SAMD5: variants seen among roughly 807,000 people sequenced by gnomAD.
SAMD5 encodes sterile alpha motif domain-containing protein 5.
Under a neutral mutation model 11.3 loss-of-function variants are expected in SAMD5, and 13 were observed. The ratio of observed to expected loss-of-function variants is 1.15; its 90% CI spans 0.75 to 1.83. The LOEUF is 1.83. SAMD5 is among the 40% of genes most tolerant of loss of function. The pLI is 0.00. For synonymous variants in SAMD5, 129 were observed against 111.3 expected, an observed-to-expected ratio of 1.16 and a Z score of -1.00; for missense variants, 255 against 239.1, an observed-to-expected ratio of 1.07 and a Z score of -0.44.
chr6:147,790,602 G>A, the SAMD5 span, among the ~76,000 whole-genome samples: 15 of 152,278 alleles, frequency 9.9e-5, no homozygotes, highest in South Asian at 2.7e-3. Flanking sequence ...CACTTTGGGT[G>A]TGTCTGTGAG....
the SAMD5 span, among the ~76,000 whole-genome samples, chr6:147,906,413 C>T: frequency 3.9e-5 from 6 of 152,326 alleles, no homozygotes; most frequent in African/African-American, 1.4e-4. Context: ...TCATGCCTTC[C>T]TTCTGGCTTT....
At chr6:147,811,576 G>A in the SAMD5 span, among the ~76,000 whole-genome samples, 1 of 152,116 alleles carries the variant, frequency 6.6e-6, no homozygotes, top group East Asian at 1.9e-4. Context: ...GCACAACAAG[G>A]AGGCAGTTGT....
chr6:147,889,336 A>T, the SAMD5 span, among the ~76,000 whole-genome samples: 1 of 152,240 alleles, frequency 6.6e-6, no homozygotes, highest in East Asian at 1.9e-4. Context: ...GGGTCTTTTT[A>T]ATATCCTCCC....
the SAMD5 span, among the ~76,000 whole-genome samples, chr6:147,813,786 G>C: frequency 6.6e-6 from 1 of 152,214 alleles, no homozygotes; most frequent in Admixed American, 6.5e-5. Context: ...AATGGCAGGA[G>C]TAACTCTTTG....
chr6:147,900,401 T>G, the SAMD5 span, among the ~76,000 whole-genome samples: 495 of 152,358 alleles, frequency 3.2e-3, 1 homozygote, highest in African/African-American at 0.012. Flanking sequence ...TTCTCCTATT[T>G]TGTCTTTCAT....
the SAMD5 span, among the ~76,000 whole-genome samples, chr6:147,939,287 T>C: frequency 6.6e-6 from 1 of 151,996 alleles, no homozygotes; most frequent in Non-Finnish European, 1.5e-5. Flanking sequence ...GGAGGTTTTG[T>C]TATGTAGGAA....
intron 1 of SAMD5, among the ~76,000 whole-genome samples, chr6:147,577,264 A>G (rs74345710): frequency 0.022 from 3,402 of 152,332 alleles, 111 homozygotes; most frequent in African/African-American, 0.073. Context: ...TTATCTTTAT[A>G]AAACTTCCAT....
At chr6:147,739,923 A>G (rs1791855658), downstream of SAMD5, among the ~76,000 whole-genome samples, 1 of 152,066 alleles carries the variant, frequency 6.6e-6, no homozygotes, top group Admixed American at 6.6e-5. Flanking sequence ...GGGTTCAAGC[A>G]ATTCTCCTGT....
downstream of SAMD5, among the ~76,000 whole-genome samples, chr6:147,570,470 C>T (rs539020698): frequency 2.6e-5 from 4 of 152,148 alleles, no homozygotes; most frequent in Non-Finnish European, 4.4e-5. Context: ...TCATTAGACG[C>T]AGAGTGCTGG....
intron 1 of SAMD5, among the ~76,000 whole-genome samples, chr6:147,599,164 C>T (rs1789579730): frequency 6.6e-6 from 1 of 152,134 alleles, no homozygotes; most frequent in Non-Finnish European, 1.5e-5. Flanking sequence ...CTTCTGTGAC[C>T]TTGATGGAGT....
chr6:147,616,814 T>C (rs1042040929), intron 1 of SAMD5, among the ~76,000 whole-genome samples: 1 of 152,172 alleles, frequency 6.6e-6, no homozygotes, highest in African/African-American at 2.4e-5. Flanking sequence ...AAAGGGGAAG[T>C]GTCACACTTT....
At chr6:147,516,454 A>T (rs1001848829) in intron 1 of SAMD5, among the ~76,000 whole-genome samples, 1 of 152,208 alleles carries the variant, frequency 6.6e-6, no homozygotes, top group Non-Finnish European at 1.5e-5. Context: ...AAATATGGGC[A>T]AAACTAGTGA....
At chr6:147,684,723 ACAGG>A (rs1381715559) in intron 1 of SAMD5, among the ~76,000 whole-genome samples, 1 of 152,168 alleles carries the variant, frequency 6.6e-6, no homozygotes, top group Non-Finnish European at 1.5e-5. Flanking sequence ...TTTTTCCTAT[ACAGG>A]CAGTCTTCAC....
intron 1 of SAMD5, among the ~76,000 whole-genome samples, chr6:147,710,265 G>A (rs1387483113): frequency 1.3e-5 from 2 of 152,088 alleles, no homozygotes; most frequent in Admixed American, 6.5e-5. Flanking sequence ...TACCCACCCC[G>A]TATGTATTAC....
chr6:147,515,530 A>T (rs924945776), intron 1 of SAMD5, among the ~76,000 whole-genome samples: 1 of 151,684 alleles, frequency 6.6e-6, no homozygotes, highest in Non-Finnish European at 1.5e-5. Context: ...CTACCCATTC[A>T]TCCATCCATC....
At chr6:147,751,768 C>A in the SAMD5 span, among the ~76,000 whole-genome samples, 3 of 152,176 alleles carry the variant, frequency 2.0e-5, no homozygotes, top group Non-Finnish European at 2.9e-5. Context: ...CGCTAACTCT[C>A]TTCTTCTTAG....
chr6:147,566,928 T>A lies in SAMD5; in HGVS notation c.*2472T>A. 1 of 891,086 alleles carries A rather than the reference T, an allele frequency of 1.1e-6. No homozygotes were observed. Among genetic ancestry groups the A allele is most frequent in the South Asian group, 5.2e-5 (1 of 19,370 alleles). 55.2% of individuals were successfully genotyped at this position (891,086 alleles called of 1,614,324 possible). On this transcript the variant is annotated 3_prime_UTR_variant, in exon 2 of 2. Coordinates refer to ENST00000367474, the MANE Select transcript of SAMD5 (RefSeq NM_001030060.3). ...TAATTTTTTCAGCGTTTTTCCTCTG[T>A]ATCTAAACACCAATAATATACTTAA... is the stretch of plus-strand genomic sequence containing the variant.
chr6:147,857,133 A>G, the SAMD5 span, among the ~76,000 whole-genome samples: 2 of 151,860 alleles, frequency 1.3e-5, no homozygotes, highest in East Asian at 3.9e-4. Context: ...CACAGTTGGA[A>G]CATTAAGCCA....
At chr6:147,812,375 G>T in the SAMD5 span, among the ~76,000 whole-genome samples, 1 of 151,960 alleles carries the variant, frequency 6.6e-6, no homozygotes, top group Non-Finnish European at 1.5e-5. Flanking sequence ...GTGTGTGGGT[G>T]AATGGGTGTG....
Sources: allele counts gnomAD v4.1 joint callset (sites outside exome capture counted in the v4.1 genomes callset), GRCh38; gene constraint gnomAD v4.1.1; transcripts MANE v1.5; gene names NCBI Gene and HGNC (gene_info 2026-07-23, HGNC 2026-07-21).